Variants in ANK2 observed in about 807,000 individuals in gnomAD.
The protein encoded by ANK2 is ankyrin 2.
A neutral mutation model predicts 360.5 loss-of-function variants in ANK2; 83 were observed. The ratio of observed to expected loss-of-function variants is 0.23; its 90% CI spans 0.19 to 0.28. ANK2 has a LOEUF of 0.28. ANK2 is among the 10% of genes least tolerant of loss of function. The pLI is 1.00. For missense variants in ANK2, 4,201 were observed against 4,795.7 expected, an observed-to-expected ratio of 0.88 and a Z score of 3.66; for synonymous variants, 1,740 against 1,759.5, an observed-to-expected ratio of 0.99 and a Z score of 0.28.
chr4:113,324,767 A>G (rs1029727980), intron 26 of ANK2, among the ~76,000 whole-genome samples: 1 of 152,176 alleles, frequency 6.6e-6, no homozygotes, highest in African/African-American at 2.4e-5. Flanking sequence ...CCCTCTTGCT[A>G]TGTATATGAG....
In ANK2 at chr4:113,206,162, C is replaced by A. The variant is rs533655203; in HGVS notation, c.384+7053C>A. 3.4e-4 allele frequency among the ~76,000 whole-genome samples: 51 copies of A among 152,158 alleles called. 1 individual carries two copies. Among genetic ancestry groups the A allele is most frequent in the Middle Eastern group, 3.4e-3 (1 of 294 alleles). Reference sequence around the variant, plus strand: ...GTTTGTTACACAGGTAAACATGTGCCATGGTGGTTTGCTGCACCTATTAAC... The same window carrying A: ...GTTTGTTACACAGGTAAACATGTGCAATGGTGGTTTGCTGCACCTATTAAC... On this transcript the variant is annotated intron_variant, in intron 4 of 45. Transcript: ENST00000357077.
rs769751525 is a variant in ANK2, at chr4:113,357,316, C to G, written c.8698C>G (p.Gln2900Glu). ...CTCTCAAGACTCATCCATTACTACT[C>G]AAACAGATAGATTTTCCATGGATGT... ...CPSQDSSITT[Q>E]TDRFSMDVPV... is the part of the protein sequence containing the mutation. Residue 2900 changes from glutamine to glutamate, a missense_variant, in exon 38 of 46, where the codon CAA (glutamine) becomes GAA (glutamate). By Grantham distance (29) the Gln-to-Glu change is conservative. Around this residue, in one of 4 missense-constraint regions of ANK2, gnomAD observed 2,642 missense variants for 2,714.5 expected, o/e 0.97. Transcript: ENST00000357077. 18 of 1,614,074 alleles carry G rather than the reference C, an allele frequency of 1.1e-5. No individual in the cohort carries two copies. The South Asian group carries it at 1.9e-4, about 17-fold the overall frequency.
intron 37 of ANK2, among the ~76,000 whole-genome samples, chr4:113,351,626 C>T (rs1010587376): frequency 2.0e-5 from 3 of 151,950 alleles, no homozygotes; most frequent in Non-Finnish European, 2.9e-5. Flanking sequence ...TTCTTCAGAA[C>T]TACTCCATTT....
intron 1 of ANK2, among the ~76,000 whole-genome samples, chr4:112,819,429 C>T (rs1295536625): frequency 6.6e-6 from 1 of 152,184 alleles, no homozygotes; most frequent in African/African-American, 2.4e-5. Flanking sequence ...TGGGGCCAAA[C>T]ACTGATTCCA....
chr4:113,201,019 T>G (rs2098822612), intron 4 of ANK2, among the ~76,000 whole-genome samples: 1 of 152,084 alleles, frequency 6.6e-6, no homozygotes, highest in African/African-American at 2.4e-5. Flanking sequence ...ACATATATCC[T>G]AGAACTTAAA....
intron 1 of ANK2, among the ~76,000 whole-genome samples, chr4:112,889,837 A>G (rs1011956293): frequency 6.6e-6 from 1 of 152,218 alleles, no homozygotes; most frequent in Non-Finnish European, 1.5e-5. Flanking sequence ...AGGAAACACA[A>G]TTACCACATA....
At chr4:113,080,613 T>A (rs1376677579) in intron 1 of ANK2, among the ~76,000 whole-genome samples, 1 of 152,220 alleles carries the variant, frequency 6.6e-6, no homozygotes, top group Non-Finnish European at 1.5e-5. Context: ...ATACATTCCA[T>A]TCGAGAATAT....
chr4:113,152,862 C>G (rs2097146326), intron 1 of ANK2, among the ~76,000 whole-genome samples: 1 of 151,992 alleles, frequency 6.6e-6, no homozygotes, highest in Non-Finnish European at 1.5e-5. Flanking sequence ...GATTGTACCA[C>G]TGCACTCCAG....
chr4:112,711,294 G>A, the ANK2 span, among the ~76,000 whole-genome samples: 1 of 152,052 alleles, frequency 6.6e-6, no homozygotes, highest in African/African-American at 2.4e-5. Context: ...CTGCATTATA[G>A]CCTCAAAGGC....
rs180953687 is a variant in ANK2, at chr4:113,302,077, C to T, written c.2476-690C>T. Among the ~76,000 whole-genome samples the T allele has an allele frequency of 1.6e-3, 241 of 152,270 alleles. 2 individuals are homozygous for T. The highest frequency in any genetic ancestry group is 2.9e-3 in the Non-Finnish European group (197 of 68,020). On this transcript the variant is annotated intron_variant, in intron 22 of 45. Transcript: ENST00000357077. ...ATTGAGGCACATGTAGGTTAGGGGA[C>T]TTGCTAGGGCCTTATAGGTAATAAG...
At chr4:113,265,636 T>C (rs1444953842) in intron 14 of ANK2, among the ~76,000 whole-genome samples, 3 of 152,190 alleles carry the variant, frequency 2.0e-5, no homozygotes, top group African/African-American at 4.8e-5. Flanking sequence ...TCCTTCTTTT[T>C]CTGTTTTTAA....
intron 33 of ANK2, among the ~76,000 whole-genome samples, 168 bp downstream of exon 33, chr4:113,342,084 T>G (rs1404280574): frequency 6.6e-6 from 1 of 152,164 alleles, no homozygotes; most frequent in African/African-American, 2.4e-5. Flanking sequence ...TTTTTAGCCA[T>G]TTTGGACCTA....
At chr4:113,007,907 A>C (rs1578891742) in intron 2 of ANK2, among the ~76,000 whole-genome samples, 1 of 152,110 alleles carries the variant, frequency 6.6e-6, no homozygotes, top group Admixed American at 6.5e-5. Context: ...ATATACATAA[A>C]TTGCATAGTT....
Position 113,367,679 on chromosome 4 carries a change from G to C in ANK2, c.11146G>C (p.Asp3716His). The C allele has an allele frequency of 6.2e-7, 1 of 1,613,964 alleles. No homozygotes were observed. The highest frequency in any genetic ancestry group is 8.5e-7 in the Non-Finnish European group (1 of 1,179,988). ...TCACCCTCCTATCGTCTCAGAGGAAGACATTTCTGTTGGTTATTCCACTTT... is the reference window on the plus strand; with the variant it reads ...TCACCCTCCTATCGTCTCAGAGGAACACATTTCTGTTGGTTATTCCACTTT... ...CDHPPIVSEE[D>H]ISVGYSTFQD... is the part of the protein sequence containing the mutation. Residue 3716 changes from aspartate to histidine, a missense_variant, in exon 42 of 46, where the codon GAC (aspartate) becomes CAC (histidine). By Grantham distance (81) the Asp-to-His change is moderately conservative. This residue lies in a region of ANK2 where 2,642 missense variants were observed against 2,714.5 expected (regional missense o/e 0.97). Transcript: ENST00000357077.
intron 2 of ANK2, among the ~76,000 whole-genome samples, chr4:112,937,328 C>CT (rs10712090): frequency 0.017 from 2,390 of 138,392 alleles, 37 homozygotes; most frequent in African/African-American, 0.045. Flanking sequence ...CAATTATTGT[C>CT]TTTTTTTTTT....
intron 2 of ANK2, among the ~76,000 whole-genome samples, chr4:112,973,586 A>G (rs2154267448): frequency 6.6e-6 from 1 of 152,322 alleles, no homozygotes; most frequent in South Asian, 2.1e-4. Flanking sequence ...GTGTTTTCTC[A>G]GATGCTATCC....
intron 9 of ANK2, among the ~76,000 whole-genome samples, chr4:113,244,877 G>A (rs1398077019): frequency 6.6e-6 from 1 of 152,112 alleles, no homozygotes; most frequent in Non-Finnish European, 1.5e-5. Context: ...TTGATTTTCT[G>A]TTCTTGTGTT....
intron 26 of ANK2, among the ~76,000 whole-genome samples, chr4:113,326,658 G>A (rs964043229): frequency 6.6e-6 from 1 of 151,600 alleles, no homozygotes; most frequent in South Asian, 2.1e-4. Flanking sequence ...TTTGGTTTGT[G>A]TTTCTTCCTT....
At chr4:113,205,958 GCACACA>G (rs907876773) in intron 4 of ANK2, among the ~76,000 whole-genome samples, 2 of 151,928 alleles carry the variant, frequency 1.3e-5, no homozygotes, top group Non-Finnish European at 2.9e-5. Flanking sequence ...GCACACATAT[GCACACA>G]CACACATACA....
Sources: gnomAD v4.1 joint callset for allele counts (sites outside exome capture counted in the v4.1 genomes callset) on GRCh38, gnomAD v4.1.1 for gene constraint, gnomAD v4.1.1 regional missense constraint, MANE v1.5 for transcripts, NCBI Gene and HGNC (gene_info 2026-07-23, HGNC 2026-07-21) for gene names.